The following RALYL variants were observed in gnomAD, a reference collection of about 807,000 sequenced individuals.
RALYL encodes RALY RNA binding protein like.
In RALYL, 29 loss-of-function variants were observed where a neutral mutation model predicts 35.1. The observed-to-expected ratio is 0.83, with a 90% CI of 0.61 to 1.13. The LOEUF is 1.13. RALYL is among the 50% of genes most tolerant of loss of function. The probability of loss-of-function intolerance (pLI) is 0.00; values close to 1 mark genes in which losing one functional copy is unlikely to be tolerated. For synonymous variants in RALYL, 120 were observed against 127.6 expected (o/e 0.94, Z 0.40); for missense variants, 359 against 360.4 (o/e 1.00, Z 0.03).
intron 1 of RALYL, among the ~76,000 whole-genome samples, chr8:84,216,051 C>T (rs748888300): frequency 6.6e-6 from 1 of 152,048 alleles, no homozygotes; most frequent in African/African-American, 2.4e-5. Flanking sequence ...CCACATTTTG[C>T]ACTTATCATA....
chr8:84,662,654 CTT>C (rs1164169971), intron 2 of RALYL, among the ~76,000 whole-genome samples: 1 of 151,934 alleles, frequency 6.6e-6, no homozygotes, highest in African/African-American at 2.4e-5. Context: ...AATCTCTTGA[CTT>C]TTGTATATAT....
intron 2 of RALYL, among the ~76,000 whole-genome samples, chr8:84,705,530 A>G (rs893450615): frequency 6.6e-6 from 1 of 152,222 alleles, no homozygotes; most frequent in Admixed American, 6.5e-5. Context: ...GAACATACAA[A>G]GTGTATCAGA....
chr8:84,752,541 A>G (rs899675220), intron 2 of RALYL, among the ~76,000 whole-genome samples: 1 of 152,154 alleles, frequency 6.6e-6, no homozygotes, highest in Non-Finnish European at 1.5e-5. Context: ...AAGGCCTCAA[A>G]GCCATTTCAG....
intron 1 of RALYL, among the ~76,000 whole-genome samples, chr8:84,286,082 G>T (rs1453940487): frequency 3.3e-5 from 5 of 152,134 alleles, no homozygotes; most frequent in Non-Finnish European, 7.3e-5. Context: ...AGTTTAACTG[G>T]TGGGGTTTGC....
chr8:84,418,116 T>G (rs2044950060), intron 1 of RALYL, among the ~76,000 whole-genome samples: 2 of 152,308 alleles, frequency 1.3e-5, no homozygotes, highest in South Asian at 4.1e-4. Context: ...AGTTCCTAAG[T>G]ATTTGTGTTT....
intron 4 of RALYL, among the ~76,000 whole-genome samples, chr8:84,846,712 G>A (rs531205081): frequency 1.3e-5 from 2 of 152,098 alleles, no homozygotes; most frequent in Non-Finnish European, 2.9e-5. Flanking sequence ...GTCTGTTCAG[G>A]TTTTCAGTTT....
intron 1 of RALYL, among the ~76,000 whole-genome samples, chr8:84,303,819 A>G (rs917789921): frequency 6.6e-6 from 1 of 152,158 alleles, no homozygotes; most frequent in Non-Finnish European, 1.5e-5. Flanking sequence ...TTCCATTTCC[A>G]TCTGAATTGT....
intron 1 of RALYL, among the ~76,000 whole-genome samples, chr8:84,308,812 T>C (rs978701954): frequency 1.3e-5 from 2 of 152,166 alleles, no homozygotes. Context: ...ATGTGTTATA[T>C]TTAATCACAT....
At chr8:84,531,803 C>T (rs76144010) in intron 2 of RALYL, among the ~76,000 whole-genome samples, 1 of 152,032 alleles carries the variant, frequency 6.6e-6, no homozygotes, top group Non-Finnish European at 1.5e-5. Flanking sequence ...TTTCCTATCA[C>T]TACTCAGTTG....
intron 1 of RALYL, among the ~76,000 whole-genome samples, chr8:84,463,427 G>C (rs2051065989): frequency 6.6e-6 from 1 of 151,986 alleles, no homozygotes; most frequent in Non-Finnish European, 1.5e-5. Flanking sequence ...TTTCAAGTGT[G>C]GAAAATCTCA....
intron 2 of RALYL, among the ~76,000 whole-genome samples, chr8:84,591,136 A>G (rs1462043610): frequency 1.3e-5 from 2 of 152,162 alleles, no homozygotes; most frequent in Non-Finnish European, 2.9e-5. Flanking sequence ...TAAGAGAAAT[A>G]TTTATTATAG....
intron 1 of RALYL, among the ~76,000 whole-genome samples, chr8:84,413,471 A>G (rs1183043955): frequency 6.6e-6 from 1 of 151,934 alleles, no homozygotes; most frequent in South Asian, 2.1e-4. Flanking sequence ...CCCAAATTCT[A>G]TATATTTAGA....
Position 84,740,679 on chromosome 8 carries a change from T to C in RALYL, c.257-33900T>C, listed in dbSNP as rs143485006. Among the ~76,000 whole-genome samples, 7 of 152,152 alleles carry C rather than the reference T, an allele frequency of 4.6e-5. No homozygotes were observed. The East Asian group carries it at 1.4e-3, about 29-fold the overall frequency. ...TATTTATGTCTATAACACATTTATA[T>C]ACTCCTGAATTTGCGTTATAACTCC... On this transcript the variant is annotated intron_variant, in intron 2 of 8. Transcript: ENST00000521268.
At chr8:84,779,160 G>A (rs1035484812) in intron 3 of RALYL, among the ~76,000 whole-genome samples, 1 of 152,136 alleles carries the variant, frequency 6.6e-6, no homozygotes, top group Non-Finnish European at 1.5e-5. Flanking sequence ...CTTCAAATAC[G>A]TTATGTACAT....
intron 2 of RALYL, among the ~76,000 whole-genome samples, chr8:84,558,464 T>C (rs996962286): frequency 6.6e-6 from 1 of 152,164 alleles, no homozygotes; most frequent in Non-Finnish European, 1.5e-5. Context: ...TTGAAGACTT[T>C]TTTAGTTATA....
chr8:84,287,448 A>T (rs1837866026), intron 1 of RALYL, among the ~76,000 whole-genome samples: 1 of 151,854 alleles, frequency 6.6e-6, no homozygotes, highest in East Asian at 1.9e-4. Flanking sequence ...TGAAGTCATG[A>T]TCTGAAATCC....
chr8:84,425,259 G>A (rs1410398134), intron 1 of RALYL, among the ~76,000 whole-genome samples: 6 of 152,256 alleles, frequency 3.9e-5, no homozygotes, highest in East Asian at 1.9e-4. Context: ...GTGGTGCGCC[G>A]TTTTTTAAGC....
At chr8:84,468,552 C>A (rs1242744602) in intron 1 of RALYL, among the ~76,000 whole-genome samples, 1 of 148,722 alleles carries the variant, frequency 6.7e-6, no homozygotes, top group Non-Finnish European at 1.5e-5. Context: ...GGTAACCCGA[C>A]CTTTCTCTCT....
At chr8:84,724,170 C>A (rs1249575527) in intron 2 of RALYL, among the ~76,000 whole-genome samples, 3 of 151,420 alleles carry the variant, frequency 2.0e-5, no homozygotes, top group Non-Finnish European at 4.4e-5. Context: ...AAAATTGTAC[C>A]AGAGGGAGCC....
Sources: gnomAD v4.1 joint callset for allele counts (sites outside exome capture counted in the v4.1 genomes callset) on GRCh38, gnomAD v4.1.1 for gene constraint, MANE v1.5 for transcripts, NCBI Gene and HGNC (gene_info 2026-07-23, HGNC 2026-07-21) for gene names.